The following LDLRAD3 variants were observed in gnomAD, a reference collection of about 807,000 sequenced individuals.
LDLRAD3 encodes the protein low density lipoprotein receptor class A domain containing 3, also known as low-density lipoprotein receptor class A domain-containing protein 3.
A neutral mutation model predicts 29.4 loss-of-function variants in LDLRAD3; 20 were observed. The ratio of observed to expected loss-of-function variants is 0.68; its 90% CI spans 0.48 to 0.99. The LOEUF (loss-of-function observed/expected upper bound fraction) is 0.99, where lower values mean the gene tolerates loss of function less well. Among genes scored for constraint, LDLRAD3 ranks in the 50% least tolerant of loss-of-function variants. LDLRAD3 has a pLI of 0.00. For synonymous variants in LDLRAD3, 157 were observed against 192.7 expected (o/e 0.81, Z 1.53); for missense variants, 420 against 454.3 (o/e 0.92, Z 0.69).
At chr11:36,171,354 C>T (rs1349883941) in intron 4 of LDLRAD3, among the ~76,000 whole-genome samples, 1 of 152,122 alleles carries the variant, frequency 6.6e-6, no homozygotes, top group Non-Finnish European at 1.5e-5. Context: ...GGTTCTTGGT[C>T]ATGAAGTCTT....
At chr11:36,041,785 G>A (rs1169646242) in intron 2 of LDLRAD3, among the ~76,000 whole-genome samples, 1 of 152,094 alleles carries the variant, frequency 6.6e-6, no homozygotes, top group African/African-American at 2.4e-5. Context: ...TTCCCAAGGC[G>A]GTTCATTTTC....
intron 2 of LDLRAD3, among the ~76,000 whole-genome samples, chr11:36,069,772 A>G (rs147045090): frequency 0.025 from 3,838 of 152,220 alleles, 114 homozygotes; most frequent in African/African-American, 0.075. Flanking sequence ...GGCTTGGAAC[A>G]TCTTTGATTC....
chr11:36,157,670 A>AGT (rs1854374165), intron 4 of LDLRAD3, among the ~76,000 whole-genome samples: 1 of 152,112 alleles, frequency 6.6e-6, no homozygotes, highest in South Asian at 2.1e-4. Context: ...ATTCTAGTGG[A>AGT]GTAGGAGCCA....
chr11:36,190,550 C>T (rs1311490630), intron 4 of LDLRAD3, among the ~76,000 whole-genome samples: 1 of 151,876 alleles, frequency 6.6e-6, no homozygotes, highest in East Asian at 1.9e-4. Context: ...GAAGGTATAT[C>T]CCAGAAGGTA....
intron 4 of LDLRAD3, among the ~76,000 whole-genome samples, chr11:36,208,273 G>A (rs1382891638): frequency 6.6e-6 from 1 of 152,230 alleles, no homozygotes; most frequent in Non-Finnish European, 1.5e-5. Context: ...TTGTGCTGGT[G>A]TGACAAAATA....
intron 1 of LDLRAD3, among the ~76,000 whole-genome samples, chr11:35,956,990 C>T (rs1431579157): frequency 6.6e-6 from 1 of 152,214 alleles, no homozygotes; most frequent in African/African-American, 2.4e-5. Flanking sequence ...CTGTCTCGGC[C>T]TCCCAAAGTG....
intron 2 of LDLRAD3, among the ~76,000 whole-genome samples, chr11:36,040,037 G>A (rs1451117632): frequency 6.6e-6 from 1 of 152,134 alleles, no homozygotes; most frequent in East Asian, 1.9e-4. Context: ...GAGCTACAAA[G>A]CCCTTTCTCT....
At chr11:36,210,560 C>T (rs879304838) in intron 4 of LDLRAD3, among the ~76,000 whole-genome samples, 5 of 152,102 alleles carry the variant, frequency 3.3e-5, no homozygotes, top group East Asian at 1.9e-4. Flanking sequence ...ATGGAACAAC[C>T]GGGTTCAGTG....
rs1295517881 is a variant in LDLRAD3 at position 36,154,226 on chromosome 11, G to T, written c.454+55765G>T. Among the ~76,000 whole-genome samples, 3 of 152,292 alleles carry T rather than the reference G, an allele frequency of 2.0e-5. No homozygotes were observed. In the East Asian group the frequency reaches 5.8e-4, roughly 29 times the overall value. ...AGAATGCCACACCGACTGAAAGTAA[G>T]TCACACCTTTAAACATCTGGGGGAC... On this transcript the variant is annotated intron_variant, in intron 4 of 5. Transcript: ENST00000315571.
intron 4 of LDLRAD3, among the ~76,000 whole-genome samples, chr11:36,186,136 A>G (rs1854844501): frequency 6.6e-6 from 1 of 152,048 alleles, no homozygotes; most frequent in South Asian, 2.1e-4. Flanking sequence ...CATTCCTCAC[A>G]CTATCACTTT....
At chr11:36,145,413 C>G (rs1329205162) in intron 4 of LDLRAD3, among the ~76,000 whole-genome samples, 14 of 107,524 alleles carry the variant, frequency 1.3e-4, no homozygotes, top group Middle Eastern at 4.9e-3. Context: ...AGCCAGCCAC[C>G]CCATCCGGGA....
At chr11:36,197,584 T>C (rs61879035) in intron 4 of LDLRAD3, 12,287 of 152,474 alleles carry the variant, frequency 0.081, 540 homozygotes, top group East Asian at 0.19. Flanking sequence ...CTGCCACTGC[T>C]GCCATTTCTG....
At chr11:36,138,756 G>A (rs541470361) in intron 4 of LDLRAD3, among the ~76,000 whole-genome samples, 2 of 152,352 alleles carry the variant, frequency 1.3e-5, no homozygotes, top group South Asian at 4.1e-4. Flanking sequence ...GGTTTGAGGG[G>A]TAGGTGGACA....
intron 1 of LDLRAD3, among the ~76,000 whole-genome samples, chr11:35,982,720 T>G (rs535888245): frequency 3.6e-4 from 55 of 152,308 alleles, no homozygotes; most frequent in African/African-American, 1.1e-3. Context: ...TTGTGCAGCT[T>G]GAAGACAGCT....
intron 1 of LDLRAD3, among the ~76,000 whole-genome samples, chr11:35,949,412 G>A (rs1456131866): frequency 6.6e-6 from 1 of 152,118 alleles, no homozygotes; most frequent in Non-Finnish European, 1.5e-5. Flanking sequence ...GAAGTCTTGT[G>A]TTGAAATCCT....
At chr11:35,952,624 C>A (rs567647197) in intron 1 of LDLRAD3, among the ~76,000 whole-genome samples, 39 of 152,272 alleles carry the variant, frequency 2.6e-4, no homozygotes, top group Admixed American at 1.0e-3. Context: ...TTCTTCCCCC[C>A]TTTATGGGAA....
intron 4 of LDLRAD3, chr11:36,110,094 G>A (rs1285864343): frequency 6.6e-6 from 1 of 152,218 alleles, no homozygotes; most frequent in Non-Finnish European, 1.5e-5. Flanking sequence ...TTTGTGTACA[G>A]GTGGGGTTTT....
intron 4 of LDLRAD3, among the ~76,000 whole-genome samples, chr11:36,191,382 TTAAAAATTATTA>T (rs1854939516): frequency 6.6e-6 from 1 of 151,164 alleles, no homozygotes; most frequent in African/African-American, 2.4e-5. Flanking sequence ...TACAGAAAAA[TTAAAAATTATTA>T]TAGCTGGGCG....
chr11:36,101,301 C>T (rs1417669383), intron 4 of LDLRAD3, among the ~76,000 whole-genome samples: 1 of 152,168 alleles, frequency 6.6e-6, no homozygotes, highest in East Asian at 1.9e-4. Context: ...TTTTGCCTCT[C>T]AAATCCTGCC....
Sources: allele counts gnomAD v4.1 joint callset (sites outside exome capture counted in the v4.1 genomes callset), GRCh38; gene constraint gnomAD v4.1.1; transcripts MANE v1.5; gene names NCBI Gene and HGNC (gene_info 2026-07-23, HGNC 2026-07-21).